The following PPP2R2B variants were observed in gnomAD, a reference collection of about 807,000 sequenced individuals.
PPP2R2B encodes the protein protein phosphatase 2 regulatory subunit Bbeta, also known as serine/threonine-protein phosphatase 2A 55 kDa regulatory subunit B beta isoform.
Under a neutral mutation model 46.0 loss-of-function variants are expected in PPP2R2B, and 5 were observed. The observed-to-expected ratio is 0.11, with a 90% CI of 0.06 to 0.23. The LOEUF is 0.23. Ranked by LOEUF, PPP2R2B falls within the 10% of genes least tolerant of loss-of-function variation. PPP2R2B has a pLI of 1.00. For missense variants in PPP2R2B, 367 were observed against 575.0 expected, an observed-to-expected ratio of 0.64 and a Z score of 3.70; for synonymous variants, 215 against 206.7, an observed-to-expected ratio of 1.04 and a Z score of -0.34.
chr5:146,801,043 T>C (rs1443334777), intron 2 of PPP2R2B, among the ~76,000 whole-genome samples: 1 of 152,100 alleles, frequency 6.6e-6, no homozygotes, highest in Non-Finnish European at 1.5e-5. Context: ...TGGATGAACC[T>C]GGAGGACATT....
Position 146,812,804 on chromosome 5 carries a change from T to TAC in PPP2R2B, c.70+65197_70+65198insGT, listed in dbSNP as rs1431575332. On this transcript the variant is annotated intron_variant, in intron 2 of 9. Coordinates refer to ENST00000394411, the MANE Select transcript of PPP2R2B (RefSeq NM_181675.4). The stretch of plus-strand genomic sequence containing the variant: ...GTGTGTATATGTGTGTATATATATA[T>TAC]ATATATATATATATATATATATATA... 5.8e-3 allele frequency among the ~76,000 whole-genome samples: 329 copies of TAC among 56,508 alleles called. 53 individuals carry two copies. The highest frequency in any genetic ancestry group is 8.8e-3 in the Non-Finnish European group (267 of 30,174). 37.1% of individuals were successfully genotyped at this position (56,508 alleles called of 152,430 possible). A position where few individuals can be genotyped will look rare whatever the true frequency, so the allele number is the denominator to read the frequency against.
chr5:146,617,435 C>T (rs144736637), intron 7 of PPP2R2B, among the ~76,000 whole-genome samples: 299 of 152,278 alleles, frequency 2.0e-3, no homozygotes, highest in African/African-American at 6.7e-3. Context: ...GTGATTATTA[C>T]TCATTGCATG....
chr5:146,725,186 A>G (rs903854672), intron 2 of PPP2R2B, among the ~76,000 whole-genome samples: 1 of 152,120 alleles, frequency 6.6e-6, no homozygotes, highest in Non-Finnish European at 1.5e-5. Flanking sequence ...TCAAGAAAAC[A>G]GTTTCCATGG....
At chr5:146,966,551 AT>A (rs1752422015) in intron 1 of PPP2R2B, among the ~76,000 whole-genome samples, 2 of 152,098 alleles carry the variant, frequency 1.3e-5, no homozygotes, top group South Asian at 4.1e-4. Context: ...CCATCATACC[AT>A]TTTATTTTAT....
At chr5:147,051,692 C>T (rs751601341) in intron 1 of PPP2R2B, among the ~76,000 whole-genome samples, 2 of 151,706 alleles carry the variant, frequency 1.3e-5, no homozygotes, top group Non-Finnish European at 2.9e-5. Flanking sequence ...ATTAGGTCCA[C>T]CAGAAAGTAC....
chr5:147,080,679 A>G (rs1757945127), intron 2 of PPP2R2B, among the ~76,000 whole-genome samples: 1 of 152,146 alleles, frequency 6.6e-6, no homozygotes. Context: ...CTCCCTCTGC[A>G]CTTCATGTAT....
intron 8 of PPP2R2B, among the ~76,000 whole-genome samples, chr5:146,597,085 G>A (rs1226072194): frequency 6.6e-6 from 1 of 152,146 alleles, no homozygotes; most frequent in Non-Finnish European, 1.5e-5. Context: ...CAACTCCTTT[G>A]AAGTCATGCC....
intron 2 of PPP2R2B, among the ~76,000 whole-genome samples, chr5:147,074,500 CG>C (rs1757701213): frequency 6.6e-6 from 1 of 152,100 alleles, no homozygotes; most frequent in African/African-American, 2.4e-5. Context: ...TCTAAGAAAG[CG>C]TATTTGTCAA....
At chr5:146,590,385 GT>G (rs373740293) in intron 9 of PPP2R2B, among the ~76,000 whole-genome samples, 159 bp from the exon 10 acceptor site, 7,223 of 117,604 alleles carry the variant, frequency 0.061, 546 homozygotes, top group African/African-American at 0.19. Context: ...TTGGCTTTTT[GT>G]TTTTTTTTTG....
chr5:146,626,479 A>G (rs1200841309), intron 7 of PPP2R2B, among the ~76,000 whole-genome samples: 2 of 152,236 alleles, frequency 1.3e-5, no homozygotes, highest in Non-Finnish European at 2.9e-5. Context: ...TGGTTTTTGC[A>G]GGCAAAATAC....
chr5:146,709,335 G>A (rs1439331441), intron 2 of PPP2R2B, among the ~76,000 whole-genome samples: 1 of 152,162 alleles, frequency 6.6e-6, no homozygotes, highest in East Asian at 1.9e-4. Context: ...GCCCATTAAT[G>A]GCATGTGTTA....
At chr5:147,036,324 G>A (rs1756033283) in intron 1 of PPP2R2B, among the ~76,000 whole-genome samples, 1 of 152,116 alleles carries the variant, frequency 6.6e-6, no homozygotes, top group Non-Finnish European at 1.5e-5. Context: ...CTCCATCCAT[G>A]TCCCTGAAAA....
chr5:146,596,868 A>G (rs1422900215), intron 8 of PPP2R2B, among the ~76,000 whole-genome samples: 2 of 152,180 alleles, frequency 1.3e-5, no homozygotes, highest in Non-Finnish European at 2.9e-5. Context: ...TCTGGCTCCC[A>G]AACCTTTCTC....
In PPP2R2B at chr5:146,785,650, G is replaced by A. The variant is rs534071378; in HGVS notation, c.71-84508C>T. ...ATTTAAACTTACAAAGGCAAGCAAC[G>A]GAACTAAAATAATAACTAGCAAAAA... On this transcript the variant is annotated intron_variant, in intron 2 of 9. Transcript: ENST00000394411. Among the ~76,000 whole-genome samples the A allele has an allele frequency of 1.4e-4, 22 of 152,164 alleles. 1 individual carries two copies. In the South Asian group the frequency reaches 3.9e-3, roughly 27 times the overall value.
chr5:146,667,318 A>T (rs1777046839), intron 5 of PPP2R2B, among the ~76,000 whole-genome samples: 2 of 119,980 alleles, frequency 1.7e-5, no homozygotes, highest in South Asian at 6.2e-4. Context: ...GACAGCAGGA[A>T]TAGGCGTGCG....
At chr5:147,045,473 G>T (rs1430116402) in intron 1 of PPP2R2B, among the ~76,000 whole-genome samples, 1 of 152,022 alleles carries the variant, frequency 6.6e-6, no homozygotes, top group Non-Finnish European at 1.5e-5. Context: ...TATGATCTAG[G>T]TTTGTGTAAG....
chr5:146,894,325 C>T (rs1762579770), intron 1 of PPP2R2B, among the ~76,000 whole-genome samples: 2 of 152,218 alleles, frequency 1.3e-5, no homozygotes, highest in Non-Finnish European at 2.9e-5. Context: ...TAGCTACTCT[C>T]TGCTTTTCAC....
At chr5:146,800,997 T>C (rs1193228802) in intron 2 of PPP2R2B, among the ~76,000 whole-genome samples, 1 of 152,062 alleles carries the variant, frequency 6.6e-6, no homozygotes, top group Admixed American at 6.6e-5. Flanking sequence ...TCATTCAGCC[T>C]TTAAAAGGAA....
chr5:146,821,596 G>A (rs1281784355), intron 2 of PPP2R2B, among the ~76,000 whole-genome samples: 1 of 152,222 alleles, frequency 6.6e-6, no homozygotes, highest in Non-Finnish European at 1.5e-5. Flanking sequence ...TGAAACCTCA[G>A]TCATCTCTTA....
Sources: allele counts gnomAD v4.1 joint callset (sites outside exome capture counted in the v4.1 genomes callset), GRCh38; gene constraint gnomAD v4.1.1; transcripts MANE v1.5; gene names NCBI Gene and HGNC (gene_info 2026-07-23, HGNC 2026-07-21).